The following RNF220 variants were observed in gnomAD, a reference collection of about 807,000 sequenced individuals.
RNF220 encodes ring finger protein 220.
Under a neutral mutation model 67.1 loss-of-function variants are expected in RNF220, and 7 were observed. The observed-to-expected ratio is 0.10, with a 90% CI of 0.06 to 0.20. RNF220 has a LOEUF of 0.20. Ranked by LOEUF, RNF220 falls within the 10% of genes least tolerant of loss-of-function variation. The pLI is 1.00. For missense variants in RNF220, 565 were observed against 740.3 expected (o/e 0.76, Z 2.75); for synonymous variants, 270 against 283.2 (o/e 0.95, Z 0.47).
intron 5 of RNF220, among the ~76,000 whole-genome samples, chr1:44,631,158 G>A (rs775721246): frequency 3.3e-5 from 5 of 152,204 alleles, no homozygotes; most frequent in South Asian, 4.1e-4. Flanking sequence ...ATTCACACAC[G>A]GCCCCAACCC....
Position 44,408,242 on chromosome 1 carries a change from C to T in RNF220, c.-118+2712C>T, listed in dbSNP as rs906410905. 3.3e-5 allele frequency among the ~76,000 whole-genome samples: 5 copies of T among 152,132 alleles called. No homozygotes were observed. The East Asian group carries it at 9.7e-4, about 29-fold the overall frequency. On this transcript the variant is annotated intron_variant, in intron 1 of 14. Coordinates refer to ENST00000361799, the MANE Select transcript of RNF220 (RefSeq NM_018150.4). ...TGCACCCGCTCGCTGAGCCAGTATC[C>T]CGCGACCCCGCACTCTCGGACTGGC...
At chr1:44,613,363 G>C (rs935139568) in intron 2 of RNF220, among the ~76,000 whole-genome samples, 1 of 140,624 alleles carries the variant, frequency 7.1e-6, no homozygotes, top group Non-Finnish European at 1.5e-5. Context: ...TGGATATGCA[G>C]GGATGTTTCT....
chr1:44,630,801 A>G (rs1317999304), intron 5 of RNF220, among the ~76,000 whole-genome samples: 1 of 152,218 alleles, frequency 6.6e-6, no homozygotes, highest in Non-Finnish European at 1.5e-5. Context: ...TGCAAAGCTG[A>G]GTGTCAGGAA....
Position 44,568,726 on chromosome 1 carries a change from C to T in RNF220, c.626-45439C>T, listed in dbSNP as rs991027954. 7.2e-5 allele frequency among the ~76,000 whole-genome samples: 11 copies of T among 152,178 alleles called. No individual in the cohort carries two copies. The East Asian group carries it at 1.7e-3, about 24-fold the overall frequency. ...AGCCTGTTCAGGAGAGGCTGGGACG[C>T]GTGCAGAAGGTTGCTTGGGTGGAGT... On this transcript the variant is annotated intron_variant, in intron 2 of 14. Coordinates refer to ENST00000361799, the MANE Select transcript of RNF220 (RefSeq NM_018150.4).
At chr1:44,589,751 CA>C (rs1665983312) in intron 2 of RNF220, among the ~76,000 whole-genome samples, 1 of 152,084 alleles carries the variant, frequency 6.6e-6, no homozygotes, top group African/African-American at 2.4e-5. Flanking sequence ...CTTAAGGAGG[CA>C]AAATCCTCAT....
intron 2 of RNF220, among the ~76,000 whole-genome samples, chr1:44,582,773 A>T (rs1665400030): frequency 6.9e-6 from 1 of 145,402 alleles, no homozygotes; most frequent in South Asian, 2.2e-4. Context: ...AAAAAAAAAA[A>T]GGCACTTTGG....
At chr1:44,416,730 T>G (rs1016818074) in intron 2 of RNF220, among the ~76,000 whole-genome samples, 33 of 152,326 alleles carry the variant, frequency 2.2e-4, no homozygotes, top group African/African-American at 7.5e-4. Context: ...GGCTTTGCCC[T>G]CTTTCCTTGA....
chr1:44,413,991 A>G (rs921974445), intron 2 of RNF220, among the ~76,000 whole-genome samples: 3 of 152,184 alleles, frequency 2.0e-5, no homozygotes, highest in African/African-American at 4.8e-5. Flanking sequence ...TTGTAAATCC[A>G]TCGCTCTTTG....
chr1:44,441,526 G>C lies in RNF220; in HGVS notation c.625+28804G>C, dbSNP rs148759816. 3.0e-3 allele frequency among the ~76,000 whole-genome samples: 452 copies of C among 152,336 alleles called. 3 individuals are homozygous for C. The highest frequency in any genetic ancestry group is 0.01 in the African/African-American group (427 of 41,578). ...AGTAAAAGACGCAGTCAACATGATA[G>C]GGAGGAGGATGAGCCTTGGAGATGA... On this transcript the variant is annotated intron_variant, in intron 2 of 14. Transcript: ENST00000361799.
chr1:44,605,768 C>T (rs1667232112), intron 2 of RNF220, among the ~76,000 whole-genome samples: 1 of 152,152 alleles, frequency 6.6e-6, no homozygotes, highest in South Asian at 2.1e-4. Flanking sequence ...GAAGAGTTAG[C>T]CAGGTTGTGC....
intron 2 of RNF220, among the ~76,000 whole-genome samples, chr1:44,544,448 C>A (rs116092720): frequency 3.9e-5 from 6 of 152,180 alleles, no homozygotes; most frequent in Non-Finnish European, 8.8e-5. Flanking sequence ...CTAGCCAGCA[C>A]GAGGTTTTAA....
chr1:44,575,502 C>T (rs1664740783), intron 2 of RNF220, among the ~76,000 whole-genome samples: 1 of 152,086 alleles, frequency 6.6e-6, no homozygotes, highest in Non-Finnish European at 1.5e-5. Flanking sequence ...CATGAACAGA[C>T]ATTTCTCAAA....
intron 2 of RNF220, among the ~76,000 whole-genome samples, chr1:44,517,966 G>T (rs1659586388): frequency 6.6e-6 from 1 of 152,034 alleles, no homozygotes; most frequent in African/African-American, 2.4e-5. Context: ...AATTAGCTGG[G>T]TATAGTGGTG....
At chr1:44,470,100 G>A (rs181199859) in intron 2 of RNF220, among the ~76,000 whole-genome samples, 1 of 152,312 alleles carries the variant, frequency 6.6e-6, no homozygotes, top group African/African-American at 2.4e-5. Context: ...TAAGGAGGCA[G>A]ATAAAGTAGA....
At chr1:44,528,614 CTTTTT>C (rs71036683) in intron 2 of RNF220, among the ~76,000 whole-genome samples, 2 of 131,966 alleles carry the variant, frequency 1.5e-5, no homozygotes. Flanking sequence ...AAATTGGCAA[CTTTTT>C]TTTTTTTTTT....
intron 2 of RNF220, among the ~76,000 whole-genome samples, chr1:44,425,199 AGG>A (rs2147848561): frequency 6.6e-6 from 1 of 152,242 alleles, no homozygotes; most frequent in South Asian, 2.1e-4. Flanking sequence ...CCTGCACAGT[AGG>A]GGATGCTCTC....
chr1:44,488,198 C>T (rs945941321), intron 2 of RNF220, among the ~76,000 whole-genome samples: 1 of 149,914 alleles, frequency 6.7e-6, no homozygotes, highest in Non-Finnish European at 1.5e-5. Context: ...TTCAGTGGCA[C>T]GATCTCGGCT....
rs763896264 is a variant in RNF220 at position 44,412,361 on chromosome 1, C to A, written c.264C>A (p.Phe88Leu). 14 of 1,613,990 alleles carry A rather than the reference C, an allele frequency of 8.7e-6. No individual in the cohort carries two copies. The highest frequency in any genetic ancestry group is 1.2e-5 in the Non-Finnish European group (14 of 1,180,022). The stretch of plus-strand genomic sequence containing the variant: ...CAGGCACTTTTGCCAATCGTGATTT[C>A]CCCCCTTCTCTACTACACCTCCACC... Reference protein sequence around the residue: ...GVPGTFANRDFPPSLLHLHPQ... With the variant: ...GVPGTFANRDLPPSLLHLHPQ... The change falls in exon 2 of 15, where the codon TTC becomes TTA. Residue 88 changes from phenylalanine to leucine, a missense_variant. By Grantham distance (22) the Phe-to-Leu change is conservative. Coordinates refer to ENST00000361799, the MANE Select transcript of RNF220 (RefSeq NM_018150.4). This position sits in a 1 kb window ranked among gnomAD's most constrained non-coding sequence, Gnocchi z 5.3.
Position 44,417,847 on chromosome 1 carries a change from C to T in RNF220, c.625+5125C>T, listed in dbSNP as rs1299695105. Among the ~76,000 whole-genome samples, 1 of 152,110 alleles carries T rather than the reference C, an allele frequency of 6.6e-6. No individual in the cohort carries two copies. The highest frequency in any genetic ancestry group is 1.5e-5 in the Non-Finnish European group (1 of 68,014). ...TTACTTGCAAGGGACCCCCAGCCTC[C>T]GCCACCGAGGCGGCTTGCAAGTGGT... On this transcript the variant is annotated intron_variant, in intron 2 of 14. Coordinates refer to ENST00000361799, the MANE Select transcript of RNF220 (RefSeq NM_018150.4). The surrounding 1 kb of genome is among the most constrained non-coding windows in gnomAD (Gnocchi z 4.0).
Sources: allele counts gnomAD v4.1 joint callset (sites outside exome capture counted in the v4.1 genomes callset), GRCh38; gene constraint gnomAD v4.1.1; non-coding constraint Gnocchi (gnomAD v3.1); transcripts MANE v1.5; gene names NCBI Gene and HGNC (gene_info 2026-07-23, HGNC 2026-07-21).